Variants in WBP2NL observed in about 807,000 individuals in gnomAD.
The protein encoded by WBP2NL is WBP2 N-terminal like.
WBP2NL carries 27 observed loss-of-function variants against 23.3 expected under a neutral mutation model. That is an observed-to-expected ratio of 1.16 (90% CI 0.85 to 1.60). The LOEUF is 1.60. Ranked by LOEUF, WBP2NL falls within the 40% of genes most tolerant of loss-of-function variation. WBP2NL has a pLI of 0.00. For synonymous variants in WBP2NL, 151 were observed against 145.9 expected, an observed-to-expected ratio of 1.03 and a Z score of -0.25; for missense variants, 370 against 389.5, an observed-to-expected ratio of 0.95 and a Z score of 0.42.
intron 4 of WBP2NL, among the ~76,000 whole-genome samples, chr22:42,020,866 GTGTATATATATATA>G (rs1280317281): frequency 0.015 from 239 of 15,572 alleles, 9 homozygotes; most frequent in East Asian, 0.073. Context: ...GTGTGTGTGT[GTGTATATATATATA>G]TATATATATA....
intron 8 of WBP2NL, among the ~76,000 whole-genome samples, chr22:42,049,283 T>G (rs1006128165): frequency 1.3e-5 from 2 of 152,074 alleles, no homozygotes; most frequent in Non-Finnish European, 2.9e-5. Context: ...CTAGCGCAAT[T>G]GGACATTCAT....
At chr22:42,000,158 TGTA>T (rs768868598) in intron 1 of WBP2NL, among the ~76,000 whole-genome samples, 67 of 152,344 alleles carry the variant, frequency 4.4e-4, no homozygotes, top group Middle Eastern at 3.4e-3. Context: ...TCAGTTTGAA[TGTA>T]GTTGTCAGGA....
At chr22:41,999,180 C>T (rs1319487154) in intron 1 of WBP2NL, among the ~76,000 whole-genome samples, 2 of 152,172 alleles carry the variant, frequency 1.3e-5, no homozygotes, top group East Asian at 1.9e-4. Flanking sequence ...GGGTGCGAGA[C>T]GCGTGTGTCC....
At chr22:42,052,293 T>C (rs944413715) in intron 8 of WBP2NL, among the ~76,000 whole-genome samples, 1 of 151,914 alleles carries the variant, frequency 6.6e-6, no homozygotes, top group African/African-American at 2.4e-5. Flanking sequence ...TTTTTTCCTC[T>C]TTTTTTTGAG....
chr22:42,057,902 T>TATATATATATATA (rs1328982365), intron 8 of WBP2NL, among the ~76,000 whole-genome samples: 4 of 16,966 alleles, frequency 2.4e-4, no homozygotes, highest in African/African-American at 4.7e-4. Context: ...TATATATATA[T>TATATATATATATA]TTTTTTTTTT....
At chr22:42,039,074 A>ATTT (rs149508996) in intron 8 of WBP2NL, among the ~76,000 whole-genome samples, 1 of 140,058 alleles carries the variant, frequency 7.1e-6, no homozygotes, top group African/African-American at 2.6e-5. Flanking sequence ...TTCCTGGCTA[A>ATTT]TTTTTTTTTT....
chr22:42,000,880 G>A (rs1019485268), intron 1 of WBP2NL, among the ~76,000 whole-genome samples: 13 of 151,938 alleles, frequency 8.6e-5, no homozygotes, highest in Admixed American at 1.3e-4. Flanking sequence ...TCACCCAAAA[G>A]GTGAACCAAA....
intron 4 of WBP2NL, among the ~76,000 whole-genome samples, chr22:42,021,787 T>TTC (rs1162294155): frequency 7.8e-6 from 1 of 127,998 alleles, no homozygotes; most frequent in African/African-American, 3.6e-5. Context: ...TTTTCTTTCT[T>TTC]TCTTTTTTTT....
intron 8 of WBP2NL, among the ~76,000 whole-genome samples, chr22:42,043,016 GAA>G (rs59812729): frequency 0.019 from 1,036 of 55,390 alleles, 12 homozygotes; most frequent in African/African-American, 0.051. Flanking sequence ...AGTGAGCCAA[GAA>G]AAAAAAAAAA....
intron 5 of WBP2NL, 53 bp downstream of exon 5, chr22:42,022,409 C>T (rs1030790238): frequency 1.4e-6 from 2 of 1,475,958 alleles, no homozygotes; most frequent in Admixed American, 1.9e-5. Flanking sequence ...ATGCCAGAGG[C>T]TCAAAGATCT....
downstream of WBP2NL, among the ~76,000 whole-genome samples, chr22:42,036,308 G>A (rs751757051): frequency 2.2e-4 from 33 of 152,108 alleles, no homozygotes; most frequent in Non-Finnish European, 3.7e-4. Flanking sequence ...CCGAGCAGCT[G>A]GGACCACAGG....
At chr22:41,999,204 C>T (rs963819088) in intron 1 of WBP2NL, among the ~76,000 whole-genome samples, 9 of 152,216 alleles carry the variant, frequency 5.9e-5, no homozygotes, top group Admixed American at 2.0e-4. Flanking sequence ...GAAGAGAGGC[C>T]GGAGCTGACC....
At chr22:42,035,897 G>T (rs910244477), downstream of WBP2NL, among the ~76,000 whole-genome samples, 14 of 152,256 alleles carry the variant, frequency 9.2e-5, no homozygotes, top group South Asian at 2.9e-3. Context: ...ACATAAAAGG[G>T]AGATCATGCA....
At chr22:42,022,508 G>T in intron 5 of WBP2NL, 152 bp downstream of exon 5, 1 of 683,956 alleles carries the variant, frequency 1.5e-6, no homozygotes, top group Admixed American at 3.2e-5. Flanking sequence ...TTTCCAGACT[G>T]AAACCCAGTG....
chr22:42,042,981 C>T (rs117795733), intron 8 of WBP2NL, among the ~76,000 whole-genome samples: 1,956 of 144,914 alleles, frequency 0.013, 19 homozygotes, highest in Non-Finnish European at 0.022. Context: ...AGGAGGATCC[C>T]TTGAGCCCAG....
At chr22:42,037,514 T>C (rs945829280), downstream of WBP2NL, among the ~76,000 whole-genome samples, 1 of 152,160 alleles carries the variant, frequency 6.6e-6, no homozygotes, top group Non-Finnish European at 1.5e-5. Flanking sequence ...AGGGATTGCA[T>C]TGAATCTGTA....
At chr22:42,049,316 A>G (rs896339588) in intron 8 of WBP2NL, among the ~76,000 whole-genome samples, 12 of 152,316 alleles carry the variant, frequency 7.9e-5, no homozygotes, top group African/African-American at 2.9e-4. Context: ...AAAAAAATCT[A>G]GACACAGACT....
At chr22:42,002,027 G>T in intron 1 of WBP2NL, 1 of 578,064 alleles carries the variant, frequency 1.7e-6, no homozygotes. Flanking sequence ...CTTTGACTCC[G>T]GGGCTGATTG....
intron 1 of WBP2NL, among the ~76,000 whole-genome samples, chr22:42,004,086 C>T (rs1345871425): frequency 3.3e-5 from 5 of 151,926 alleles, no homozygotes; most frequent in Admixed American, 6.6e-5. Flanking sequence ...AGCTGGCCAA[C>T]GTGGTGAAAC....
Sources: allele counts gnomAD v4.1 joint callset (sites outside exome capture counted in the v4.1 genomes callset), GRCh38; gene constraint gnomAD v4.1.1; transcripts MANE v1.5; gene names NCBI Gene and HGNC (gene_info 2026-07-23, HGNC 2026-07-21).